Variants in ADAM12 observed in about 807,000 individuals in gnomAD.
ADAM12 encodes ADAM metallopeptidase domain 12.
In ADAM12, 70 loss-of-function variants were observed where a neutral mutation model predicts 106.4. The ratio of observed to expected loss-of-function variants is 0.66; its 90% CI spans 0.54 to 0.80. The LOEUF (loss-of-function observed/expected upper bound fraction) is 0.80. Ranked by LOEUF, ADAM12 falls within the 30% of genes least tolerant of loss-of-function variation. The pLI, the probability that ADAM12 is intolerant of heterozygous loss-of-function variation, is 0.00. For synonymous variants in ADAM12, 420 were observed against 433.5 expected (o/e 0.97, Z 0.39); for missense variants, 1,010 against 1,171.9 (o/e 0.86, Z 2.02).
intron 4 of ADAM12, among the ~76,000 whole-genome samples, chr10:126,147,909 A>T (rs1956658331): frequency 6.6e-6 from 1 of 152,242 alleles, no homozygotes; most frequent in African/African-American, 2.4e-5. Flanking sequence ...GACAAGATGC[A>T]TGTAACAGAC....
chr10:126,020,248 G>A (rs1231314797), intron 21 of ADAM12, among the ~76,000 whole-genome samples: 1 of 152,222 alleles, frequency 6.6e-6, no homozygotes, highest in African/African-American at 2.4e-5. Context: ...TCGTTCATCT[G>A]TGGGTGGATG....
intron 3 of ADAM12, among the ~76,000 whole-genome samples, chr10:126,190,154 G>T (rs1385667427): frequency 6.6e-6 from 1 of 151,950 alleles, no homozygotes; most frequent in Non-Finnish European, 1.5e-5. Context: ...GGGCAGAGGG[G>T]ACTAGCGTGT....
intron 3 of ADAM12, among the ~76,000 whole-genome samples, chr10:126,232,999 A>G (rs1008710273): frequency 6.6e-6 from 1 of 152,010 alleles, no homozygotes; most frequent in Admixed American, 6.6e-5. Flanking sequence ...ATATGTTTCT[A>G]TTGCATTTGG....
chr10:126,210,154 T>C (rs1280621139), intron 3 of ADAM12, among the ~76,000 whole-genome samples: 4 of 152,218 alleles, frequency 2.6e-5, no homozygotes, highest in Admixed American at 6.5e-5. Context: ...GCTGACCCTC[T>C]ATGGGGAAGG....
chr10:126,113,706 AT>A (rs1565067681), intron 6 of ADAM12, among the ~76,000 whole-genome samples: 15 of 76,876 alleles, frequency 2.0e-4, no homozygotes, highest in African/African-American at 2.4e-4. Flanking sequence ...ATATATATAT[AT>A]ATATATATAT....
At chr10:126,267,061 C>T (rs7916636) in intron 3 of ADAM12, among the ~76,000 whole-genome samples, 2 of 151,896 alleles carry the variant, frequency 1.3e-5, no homozygotes, top group East Asian at 1.9e-4. Flanking sequence ...GAGGAGCTGA[C>T]GTGGCTTGTC....
At chr10:126,041,121 C>T (rs1383943507) in intron 18 of ADAM12, among the ~76,000 whole-genome samples, 1 of 152,146 alleles carries the variant, frequency 6.6e-6, no homozygotes, top group Non-Finnish European at 1.5e-5. Flanking sequence ...GGGTTGCTCC[C>T]CTCCCATGAT....
At chr10:126,269,286 C>T (rs1959161124) in intron 3 of ADAM12, among the ~76,000 whole-genome samples, 2 of 152,150 alleles carry the variant, frequency 1.3e-5, no homozygotes, top group African/African-American at 2.4e-5. Flanking sequence ...TCCTTCTCAT[C>T]CTGTGACTTA....
intron 3 of ADAM12, among the ~76,000 whole-genome samples, chr10:126,258,067 C>T (rs1958927451): frequency 6.6e-6 from 1 of 152,136 alleles, no homozygotes; most frequent in Non-Finnish European, 1.5e-5. Flanking sequence ...CAATTTTCAC[C>T]TCCTGCTATA....
intron 3 of ADAM12, among the ~76,000 whole-genome samples, chr10:126,228,806 T>C (rs1157686956): frequency 1.1e-4 from 16 of 152,356 alleles, no homozygotes; most frequent in East Asian, 1.9e-4. Flanking sequence ...GCTTCTGATA[T>C]GTTCAAGCCT....
chr10:126,165,438 T>C (rs545167361), intron 3 of ADAM12, among the ~76,000 whole-genome samples: 1 of 152,352 alleles, frequency 6.6e-6, no homozygotes, highest in East Asian at 1.9e-4. Context: ...ATTACAGGCG[T>C]GAGCCACGGT....
At chr10:126,192,653 G>T (rs1197580382) in intron 3 of ADAM12, among the ~76,000 whole-genome samples, 1 of 152,228 alleles carries the variant, frequency 6.6e-6, no homozygotes, top group African/African-American at 2.4e-5. Flanking sequence ...TACTTCAGTA[G>T]ATGGGATCCC....
chr10:126,042,046 T>G, intron 18 of ADAM12: 3 of 1,530,932 alleles, frequency 2.0e-6, no homozygotes, highest in Non-Finnish European at 2.6e-6. Flanking sequence ...AGCCACAGAG[T>G]CAATGCTGCC....
In ADAM12 at chr10:126,049,759, C is replaced by T. The variant is rs563006255; in HGVS notation, c.1610-90G>A. ...GGCCTCTCAAATGGTTACGGGGAGA[C>T]GTGCTCAAAGCAATCACACCCAGTG... On this transcript the variant is annotated intron_variant, in intron 14 of 22. Transcript: ENST00000448723. This position sits in a 1 kb window ranked among gnomAD's most constrained non-coding sequence, Gnocchi z 4.4. 130 of 1,174,384 alleles carry T rather than the reference C, an allele frequency of 1.1e-4. 1 individual carries two copies. The highest frequency in any genetic ancestry group is 9.1e-4 in the South Asian group (65 of 71,244). The allele number at this position is 1,174,384 out of a possible 1,614,324, so 72.7% of individuals were successfully genotyped here. A position where few individuals can be genotyped will look rare whatever the true frequency, so the allele number is the denominator to read the frequency against.
intron 2 of ADAM12, among the ~76,000 whole-genome samples, chr10:126,285,138 G>A (rs948217039): frequency 6.6e-6 from 1 of 152,166 alleles, no homozygotes; most frequent in Admixed American, 6.5e-5. Context: ...AGAGGTCTGT[G>A]GAATGGACAT....
intron 3 of ADAM12, among the ~76,000 whole-genome samples, chr10:126,185,745 G>A (rs1957389131): frequency 6.6e-6 from 1 of 151,960 alleles, no homozygotes. Context: ...ACAGTGGCTG[G>A]AGCTACACCG....
intron 12 of ADAM12, among the ~76,000 whole-genome samples, chr10:126,069,858 G>A (rs1287997078): frequency 2.6e-5 from 4 of 152,162 alleles, no homozygotes; most frequent in Admixed American, 1.3e-4. Flanking sequence ...TGGTGGTGGC[G>A]ATTGTGGAGA....
chr10:126,270,846 G>A (rs567716957), intron 3 of ADAM12, among the ~76,000 whole-genome samples: 1 of 152,256 alleles, frequency 6.6e-6, no homozygotes, highest in Non-Finnish European at 1.5e-5. Context: ...GATCCTAGAG[G>A]CCAGAGGCTC....
At chr10:126,124,894 T>TGAA (rs1956175392) in intron 5 of ADAM12, among the ~76,000 whole-genome samples, 1 of 19,144 alleles carries the variant, frequency 5.2e-5, no homozygotes, top group East Asian at 1.8e-3. Context: ...AGACACCGTC[T>TGAA]CAAAAAAAAA....
Sources: allele counts gnomAD v4.1 joint callset (sites outside exome capture counted in the v4.1 genomes callset), GRCh38; gene constraint gnomAD v4.1.1; non-coding constraint Gnocchi (gnomAD v3.1); transcripts MANE v1.5; gene names NCBI Gene and HGNC (gene_info 2026-07-23, HGNC 2026-07-21).